MARCHF1: variants seen among roughly 807,000 people sequenced by gnomAD.
MARCHF1 encodes the protein membrane associated ring-CH-type finger 1, also known as E3 ubiquitin-protein ligase MARCHF1.
Under a neutral mutation model 54.2 loss-of-function variants are expected in MARCHF1, and 40 were observed. That is an observed-to-expected ratio of 0.74 (90% CI 0.57 to 0.96). The LOEUF is 0.96. Ranked by LOEUF, MARCHF1 falls within the 40% of genes least tolerant of loss-of-function variation. The probability of loss-of-function intolerance (pLI) is 0.00; values close to 1 mark genes in which losing one functional copy is unlikely to be tolerated. For missense variants in MARCHF1, 586 were observed against 656.5 expected (o/e 0.89, Z 1.17); for synonymous variants, 236 against 236.3 (o/e 1.00, Z 0.01).
At chr4:163,895,570 C>A (rs1750787137) in intron 3 of MARCHF1, among the ~76,000 whole-genome samples, 1 of 152,180 alleles carries the variant, frequency 6.6e-6, no homozygotes, top group Non-Finnish European at 1.5e-5. Flanking sequence ...CTCTGAGGGG[C>A]ATAGTGTGGG....
chr4:164,207,588 G>C (rs80245329), intron 1 of MARCHF1, among the ~76,000 whole-genome samples: 1 of 152,158 alleles, frequency 6.6e-6, no homozygotes, highest in African/African-American at 2.4e-5. Flanking sequence ...GTGCTGGGGG[G>C]ACTGAGGTGA....
intron 1 of MARCHF1, among the ~76,000 whole-genome samples, chr4:164,136,442 C>T (rs1756404575): frequency 1.3e-5 from 2 of 152,184 alleles, no homozygotes; most frequent in Non-Finnish European, 1.5e-5. Flanking sequence ...AGTGAGTAAC[C>T]CAGCTTCCCC....
intron 2 of MARCHF1, among the ~76,000 whole-genome samples, chr4:164,028,557 A>C (rs139092728): frequency 6.6e-6 from 1 of 152,148 alleles, no homozygotes; most frequent in East Asian, 1.9e-4. Context: ...AACAACAGAC[A>C]CTGCAAACTA....
chr4:164,287,027 G>C (rs932188436), intron 1 of MARCHF1, among the ~76,000 whole-genome samples: 2 of 149,376 alleles, frequency 1.3e-5, no homozygotes, highest in Non-Finnish European at 3.0e-5. Context: ...GATACTTCAG[G>C]AGGTGCAAAG....
chr4:163,932,732 C>T (rs539590411), intron 3 of MARCHF1: 22 of 542,066 alleles, frequency 4.1e-5, no homozygotes, highest in Admixed American at 2.9e-4. Context: ...CAGACACCTC[C>T]GACAAGAAGT....
At chr4:163,648,546 C>T (rs1742844276) in intron 5 of MARCHF1, among the ~76,000 whole-genome samples, 1 of 150,156 alleles carries the variant, frequency 6.7e-6, no homozygotes, top group Non-Finnish European at 1.5e-5. Context: ...ATTCACTTTG[C>T]CATTCTATAG....
intron 8 of MARCHF1, among the ~76,000 whole-genome samples, chr4:163,555,295 C>G (rs1739246525): frequency 6.6e-6 from 1 of 152,088 alleles, no homozygotes; most frequent in Non-Finnish European, 1.5e-5. Flanking sequence ...TTTATATATG[C>G]TGAACTTTGA....
intron 3 of MARCHF1, among the ~76,000 whole-genome samples, chr4:163,944,133 A>ATTTTTTTTTT (rs5863642): frequency 9.1e-6 from 1 of 110,128 alleles, no homozygotes; most frequent in African/African-American, 3.4e-5. Flanking sequence ...CACCGGGCTA[A>ATTTTTTTTTT]TTTTTTTTTT....
At chr4:164,207,563 G>A (rs1307269459) in intron 1 of MARCHF1, among the ~76,000 whole-genome samples, 1 of 152,150 alleles carries the variant, frequency 6.6e-6, no homozygotes, top group Admixed American at 6.5e-5. Flanking sequence ...CCTCACTGAA[G>A]GTTTGGAGTC....
chr4:164,236,621 G>A (rs1418378746), intron 1 of MARCHF1, among the ~76,000 whole-genome samples: 1 of 152,106 alleles, frequency 6.6e-6, no homozygotes, highest in Non-Finnish European at 1.5e-5. Flanking sequence ...CTGGGAACAT[G>A]TGCATTGAAC....
chr4:163,684,045 T>C (rs1017705756), intron 5 of MARCHF1, among the ~76,000 whole-genome samples: 4 of 152,226 alleles, frequency 2.6e-5, no homozygotes, highest in African/African-American at 7.2e-5. Context: ...GCAGCCAGCA[T>C]AGCCTTTATG....
intron 3 of MARCHF1, among the ~76,000 whole-genome samples, chr4:163,877,000 ATTAT>A (rs2111232948): frequency 6.6e-6 from 1 of 152,292 alleles, no homozygotes; most frequent in Admixed American, 6.5e-5. Flanking sequence ...ATATTACAAC[ATTAT>A]TTAATTAGTC....
chr4:164,348,490 C>A (rs981519317), intron 1 of MARCHF1, among the ~76,000 whole-genome samples: 1 of 152,098 alleles, frequency 6.6e-6, no homozygotes, highest in Non-Finnish European at 1.5e-5. Context: ...TATGACGTAG[C>A]TTATTTGTAA....
At chr4:164,357,085 G>A (rs557672884) in intron 1 of MARCHF1, among the ~76,000 whole-genome samples, 3 of 149,822 alleles carry the variant, frequency 2.0e-5, no homozygotes, top group Non-Finnish European at 4.4e-5. Flanking sequence ...TAACAAATCT[G>A]CATATGCACC....
chr4:163,593,048 A>C (rs565469194), intron 7 of MARCHF1, among the ~76,000 whole-genome samples: 50 of 152,262 alleles, frequency 3.3e-4, no homozygotes, highest in African/African-American at 1.2e-3. Context: ...TGCCCTCTCT[A>C]TACTCATTGG....
At chr4:164,017,172 A>T (rs2110957994) in intron 2 of MARCHF1, among the ~76,000 whole-genome samples, 1 of 152,156 alleles carries the variant, frequency 6.6e-6, no homozygotes, top group East Asian at 1.9e-4. Flanking sequence ...GCACTCTCTC[A>T]ACTTGATATA....
intron 1 of MARCHF1, among the ~76,000 whole-genome samples, chr4:164,138,749 G>A (rs183555096): frequency 3.9e-5 from 6 of 152,294 alleles, no homozygotes; most frequent in African/African-American, 1.4e-4. Flanking sequence ...CTTGTCCAGA[G>A]TGATATTAAG....
chr4:163,917,301 G>C (rs1751331348), intron 3 of MARCHF1, among the ~76,000 whole-genome samples: 1 of 152,056 alleles, frequency 6.6e-6, no homozygotes. Flanking sequence ...AAGTACATTT[G>C]GTTTTCTAAG....
chr4:164,248,116 C>A (rs1424992843), intron 1 of MARCHF1, among the ~76,000 whole-genome samples: 1 of 151,820 alleles, frequency 6.6e-6, no homozygotes, highest in African/African-American at 2.4e-5. Flanking sequence ...AAATTAGGAC[C>A]TATATTATAC....
Sources: allele counts gnomAD v4.1 joint callset (sites outside exome capture counted in the v4.1 genomes callset), GRCh38; gene constraint gnomAD v4.1.1; transcripts MANE v1.5; gene names NCBI Gene and HGNC (gene_info 2026-07-23, HGNC 2026-07-21).